The following SH3RF3 variants were observed in gnomAD, a reference collection of about 807,000 sequenced individuals.
The protein encoded by SH3RF3 is E3 ubiquitin-protein ligase SH3RF3.
A neutral mutation model predicts 66.3 loss-of-function variants in SH3RF3; 29 were observed. The observed-to-expected ratio is 0.44, with a 90% CI of 0.33 to 0.60. SH3RF3 has a LOEUF of 0.60. Among genes scored for constraint, SH3RF3 ranks in the 20% least tolerant of loss-of-function variants. The probability of loss-of-function intolerance (pLI) is 0.04; values close to 1 mark genes in which losing one functional copy is unlikely to be tolerated. For synonymous variants in SH3RF3, 583 were observed against 532.0 expected, an observed-to-expected ratio of 1.10 and a Z score of -1.32; for missense variants, 1,194 against 1,190.9, an observed-to-expected ratio of 1.00 and a Z score of -0.04.
chr2:109,480,489 G>C lies in SH3RF3; in HGVS notation c.2149-10116G>C, dbSNP rs190239170. Among the ~76,000 whole-genome samples, 11 of 152,280 alleles carry C rather than the reference G, an allele frequency of 7.2e-5. No homozygotes were observed. In the East Asian group the frequency reaches 2.1e-3, roughly 29 times the overall value. On this transcript the variant is annotated intron_variant, in intron 8 of 9. Transcript: ENST00000309415. Reference sequence around the variant, plus strand: ...AGATGCCAGCCCCTGTTAGTCCTGAGGGTGCCAAGGTCATAGGGAGGTGAC... The same window carrying C: ...AGATGCCAGCCCCTGTTAGTCCTGACGGTGCCAAGGTCATAGGGAGGTGAC...
chr2:109,419,271 C>T (rs1372741679), intron 4 of SH3RF3, among the ~76,000 whole-genome samples: 1 of 152,186 alleles, frequency 6.6e-6, no homozygotes, highest in Non-Finnish European at 1.5e-5. Flanking sequence ...GGCCTGACTA[C>T]AGTGTGATGC....
intron 1 of SH3RF3, among the ~76,000 whole-genome samples, chr2:109,229,016 A>G (rs559600158): frequency 1.6e-4 from 25 of 152,190 alleles, no homozygotes; most frequent in Non-Finnish European, 2.6e-4. Context: ...TCACTTCATC[A>G]GCACAGAAAA....
chr2:109,156,689 C>T (rs1435563186), intron 1 of SH3RF3, among the ~76,000 whole-genome samples: 2 of 152,052 alleles, frequency 1.3e-5, no homozygotes, highest in African/African-American at 4.8e-5. Flanking sequence ...CAGGTGATCT[C>T]GCCTCGGCCT....
rs115976980 is a variant in SH3RF3 at position 109,458,203 on chromosome 2, C to T, written c.2148+8714C>T. Among the ~76,000 whole-genome samples, 730 of 152,156 alleles carry T rather than the reference C, an allele frequency of 4.8e-3. 4 individuals are homozygous for T. Among genetic ancestry groups the T allele is most frequent in the African/African-American group, 0.017 (697 of 41,516 alleles). The stretch of plus-strand genomic sequence containing the variant: ...CTTGCTTATTAAATTCCTTCCAGGC[C>T]GCATCTTACTACATTATAGGACACA... On this transcript the variant is annotated intron_variant, in intron 8 of 9. Coordinates refer to ENST00000309415, the MANE Select transcript of SH3RF3 (RefSeq NM_001099289.3).
intron 1 of SH3RF3, among the ~76,000 whole-genome samples, chr2:109,235,717 A>T (rs116383500): frequency 0.011 from 1,706 of 152,364 alleles, 8 homozygotes; most frequent in Non-Finnish European, 0.017. Flanking sequence ...CAGTCGAGGC[A>T]TCCCTGTGGG....
chr2:109,498,533 G>T (rs1013013859), intron 9 of SH3RF3, among the ~76,000 whole-genome samples: 3 of 152,228 alleles, frequency 2.0e-5, no homozygotes, highest in Non-Finnish European at 2.9e-5. Context: ...AACACGTGGG[G>T]TGGGGAAGGG....
At chr2:109,430,626 C>T (rs1172809668) in intron 5 of SH3RF3, among the ~76,000 whole-genome samples, 1 of 152,212 alleles carries the variant, frequency 6.6e-6, no homozygotes, top group Admixed American at 6.5e-5. Context: ...TACGTGTTGG[C>T]TGCAGTTGTT....
intron 5 of SH3RF3, among the ~76,000 whole-genome samples, chr2:109,421,855 G>A (rs1186601976): frequency 6.6e-6 from 1 of 152,200 alleles, no homozygotes; most frequent in African/African-American, 2.4e-5. Context: ...TTCCATGTGT[G>A]TTCATGGCTG....
chr2:109,158,887 G>A (rs6723873), intron 1 of SH3RF3, among the ~76,000 whole-genome samples: 39,439 of 152,148 alleles, frequency 0.26, 5,486 homozygotes, highest in East Asian at 0.45. Context: ...AAGTCAAGGC[G>A]GGTGGATCAC....
At chr2:109,447,196 A>G (rs1376952526) in intron 7 of SH3RF3, among the ~76,000 whole-genome samples, 1 of 151,838 alleles carries the variant, frequency 6.6e-6, no homozygotes, top group African/African-American at 2.4e-5. Flanking sequence ...GAAAACAGAA[A>G]AAAAAAACCC....
At position 109,419,837 on chromosome 2, in the gene SH3RF3, T is replaced by C. The variant is rs1354219096; in HGVS notation, c.1403+195T>C. Among the ~76,000 whole-genome samples, 4 of 152,240 alleles carry C rather than the reference T, an allele frequency of 2.6e-5. No homozygotes were observed. The South Asian group carries it at 6.2e-4, about 24-fold the overall frequency. On this transcript the variant is annotated intron_variant, in intron 5 of 9. Coordinates refer to ENST00000309415, the MANE Select transcript of SH3RF3 (RefSeq NM_001099289.3). The stretch of plus-strand genomic sequence containing the variant: ...GTCTAGCGGTTCCTTCTGATGTCGT[T>C]GTTTCTAGGACATTTCTTCTAAGCA...
chr2:109,240,837 G>C (rs1679761497), intron 1 of SH3RF3, among the ~76,000 whole-genome samples: 1 of 151,494 alleles, frequency 6.6e-6, no homozygotes, highest in African/African-American at 2.4e-5. Context: ...CTGGACTCCT[G>C]ACACCCCCAC....
intron 8 of SH3RF3, among the ~76,000 whole-genome samples, chr2:109,450,326 ACAGAG>A (rs1205582119): frequency 6.6e-6 from 1 of 151,094 alleles, no homozygotes; most frequent in Non-Finnish European, 1.5e-5. Flanking sequence ...AGCCTGGGCA[ACAGAG>A]CAAGACTGCA....
rs1326673748 is a variant in SH3RF3, at chr2:109,249,465, TTC to T, written c.574-98205_574-98204del. ...ACCAGATCTCTCTCTCTTTCTCTCT[TTC>T]TCTTTCTTTCTTTCTTTCTTTCTTT... On this transcript the variant is annotated intron_variant, in intron 1 of 9. Coordinates refer to ENST00000309415, the MANE Select transcript of SH3RF3 (RefSeq NM_001099289.3). Among the ~76,000 whole-genome samples, 55 of 125,736 alleles carry T rather than the reference TTC, an allele frequency of 4.4e-4. 1 individual carries two copies. The South Asian group carries it at 7.3e-3, about 17-fold the overall frequency. The allele number at this position is 125,736 out of a possible 152,430, so 82.5% of individuals were successfully genotyped here.
At chr2:109,254,133 C>T (rs964387544) in intron 1 of SH3RF3, among the ~76,000 whole-genome samples, 1 of 152,154 alleles carries the variant, frequency 6.6e-6, no homozygotes, top group African/African-American at 2.4e-5. Flanking sequence ...TCACCAACCC[C>T]TCTAGCAAGG....
At chr2:109,169,459 G>A (rs1005070534) in intron 1 of SH3RF3, among the ~76,000 whole-genome samples, 2 of 152,076 alleles carry the variant, frequency 1.3e-5, no homozygotes, top group African/African-American at 2.4e-5. Flanking sequence ...GGAGGGTGTT[G>A]AATTGTCGGG....
intron 1 of SH3RF3, among the ~76,000 whole-genome samples, chr2:109,238,449 T>TTGTGTGTGTGTGTGTG (rs56112018): frequency 1.4e-5 from 2 of 142,604 alleles, no homozygotes; most frequent in African/African-American, 2.6e-5. Context: ...TTATGTATAT[T>TTGTGTGTGTGTGTGTG]TGTGTGTGTG....
intron 1 of SH3RF3, among the ~76,000 whole-genome samples, chr2:109,154,393 C>T (rs979322184): frequency 6.6e-6 from 1 of 152,148 alleles, no homozygotes; most frequent in Non-Finnish European, 1.5e-5. Context: ...CACAGAAGGC[C>T]CCCCAGCGCT....
At chr2:109,198,051 A>G (rs755316683) in intron 1 of SH3RF3, among the ~76,000 whole-genome samples, 10 of 152,198 alleles carry the variant, frequency 6.6e-5, no homozygotes, top group Non-Finnish European at 1.0e-4. Flanking sequence ...GGCTAAGCCC[A>G]GTCCCCATGC....
Sources: gnomAD v4.1 joint callset for allele counts (sites outside exome capture counted in the v4.1 genomes callset) on GRCh38, gnomAD v4.1.1 for gene constraint, MANE v1.5 for transcripts, NCBI Gene and HGNC (gene_info 2026-07-23, HGNC 2026-07-21) for gene names.